Variants in ERN2 observed in about 807,000 individuals in gnomAD.
ERN2 encodes the protein endoplasmic reticulum to nucleus signaling 2, also known as serine/threonine-protein kinase/endoribonuclease IRE2.
A neutral mutation model predicts 107.9 loss-of-function variants in ERN2; 111 were observed. The ratio of observed to expected loss-of-function variants is 1.03; its 90% CI spans 0.88 to 1.20. The LOEUF (loss-of-function observed/expected upper bound fraction) is 1.20. ERN2 is among the 50% of genes most tolerant of loss of function. The pLI is 0.00. For synonymous variants in ERN2, 524 were observed against 501.7 expected, an observed-to-expected ratio of 1.04 and a Z score of -0.59; for missense variants, 1,225 against 1,197.9, an observed-to-expected ratio of 1.02 and a Z score of -0.33.
chr16:23,694,294 G>A (rs1959713432), intron 17 of ERN2, among the ~76,000 whole-genome samples: 1 of 152,180 alleles, frequency 6.6e-6, no homozygotes, highest in Non-Finnish European at 1.5e-5. Flanking sequence ...ACCGCACCCG[G>A]CAATGGGCAT....
chr16:23,693,622 C>T (rs1429680432), intron 17 of ERN2, among the ~76,000 whole-genome samples: 1 of 150,750 alleles, frequency 6.6e-6, no homozygotes, highest in Non-Finnish European at 1.5e-5. Flanking sequence ...ATATAGGCCA[C>T]TAATTTAAAT....
chr16:23,690,862 C>T lies in ERN2; in HGVS notation c.2750G>A (p.Arg917Lys), dbSNP rs1959556593. The change falls in exon 22 of 22, where the codon AGG becomes AAG. Residue 917 changes from arginine to lysine, a missense_variant. Transcript: ENST00000256797. Reference sequence around the variant, plus strand: ...CCCTGTGGCCCCAGGGCATGGCCTCCTGGCCTCTGAGTCTGGCGGGTAGTA... The same window carrying T: ...CCCTGTGGCCCCAGGGCATGGCCTCTTGGCCTCTGAGTCTGGCGGGTAGTA... ...LPYYPPDSEA[R>K]RPCPGATGR 1.2e-6 allele frequency: 2 copies of T among 1,613,308 alleles called. No individual in the cohort carries two copies. Among genetic ancestry groups the T allele is most frequent in the Non-Finnish European group, 1.7e-6 (2 of 1,180,026 alleles).
chr16:23,710,032 C>A, intron 4 of ERN2, 140 bp downstream of exon 4: 1 of 638,410 alleles, frequency 1.6e-6, no homozygotes, highest in Non-Finnish European at 2.8e-6. Flanking sequence ...CCTCAGACAG[C>A]CTTCTCACAA....
chr16:23,703,459 C>T (rs1960174578), intron 8 of ERN2, among the ~76,000 whole-genome samples: 4 of 152,158 alleles, frequency 2.6e-5, no homozygotes, highest in Admixed American at 1.3e-4. Flanking sequence ...ACCTATTTTC[C>T]TCTCTCTAGT....
rs1013617012 is a variant in ERN2 at position 23,710,190 on chromosome 16, T to C, written c.288A>G (p.Gln96=). 5.0e-6 allele frequency: 8 copies of C among 1,613,598 alleles called. No individual in the cohort carries two copies. The highest frequency in any genetic ancestry group is 6.8e-6 in the Non-Finnish European group (8 of 1,179,624). ...TACAAACCATTAATCCCTGTTGTTT[T>C]TGGGTCCCCAAGATGTACAGGCTGC... ...ADGSLYILGT[Q]KQQGLMKLPF... is the part of the protein sequence containing the mutation. Residue 96 remains glutamine (Q), a synonymous_variant, in exon 4 of 22, where the codon CAA becomes CAG. Transcript: ENST00000256797.
intron 17 of ERN2, among the ~76,000 whole-genome samples, chr16:23,694,000 G>GT (rs1959702626): frequency 6.6e-6 from 1 of 152,058 alleles, no homozygotes; most frequent in African/African-American, 2.4e-5. Context: ...TTGTTTGTTT[G>GT]TTTTTTGTTT....
At chr16:23,700,922 T>TC (rs1391123372) in intron 12 of ERN2, 37 bp downstream of exon 12, 1 of 1,596,096 alleles carries the variant, frequency 6.3e-7, no homozygotes, top group African/African-American at 1.3e-5. Flanking sequence ...AGCAGCGTTC[T>TC]CCCCAGATAG....
chr16:23,698,874 C>A (rs962384959), intron 13 of ERN2, among the ~76,000 whole-genome samples: 1 of 152,204 alleles, frequency 6.6e-6, no homozygotes, highest in South Asian at 2.1e-4. Flanking sequence ...AGGCATGAGC[C>A]ACCGTGCCCA....
At chr16:23,706,688 C>T (rs1416843481) in intron 6 of ERN2, 66 bp downstream of exon 6, 3 of 1,137,134 alleles carry the variant, frequency 2.6e-6, no homozygotes, top group African/African-American at 1.6e-5. Context: ...TTAGCCACAG[C>T]TAGATCTCAG....
At position 23,710,568 on chromosome 16, in the gene ERN2, A is replaced by G. The variant is rs760943802; in HGVS notation, c.200-19T>C. 138 of 1,613,980 alleles carry G rather than the reference A, an allele frequency of 8.6e-5. No homozygotes were observed. The highest frequency in any genetic ancestry group is 1.2e-4 in the Non-Finnish European group (137 of 1,179,932). ...ACGGGATCTGCAGGGACAGGGACAC[A>G]GAACATAAGCAGTTTCCTCCAGACC... On this transcript the variant is annotated intron_variant, in intron 2 of 21. Transcript: ENST00000256797.
At chr16:23,711,963 G>A (rs547707863) in intron 1 of ERN2, 106 of 403,380 alleles carry the variant, frequency 2.6e-4, no homozygotes, top group African/African-American at 1.8e-3. Flanking sequence ...GGAGCCACCC[G>A]TACTTACATC....
intron 15 of ERN2, 32 bp from the exon 16 acceptor site, chr16:23,695,150 T>C (rs1567244736): frequency 4.3e-6 from 7 of 1,613,636 alleles, no homozygotes; most frequent in Non-Finnish European, 5.1e-6. Flanking sequence ...AGCATCACTC[T>C]CCAGCCCGGA....
chr16:23,702,079 A>C lies in ERN2; in HGVS notation c.1203+73T>G, dbSNP rs1960093783. 5 of 1,491,104 alleles carry C rather than the reference A, an allele frequency of 3.4e-6. 1 individual carries two copies. Among genetic ancestry groups the C allele is most frequent in the Admixed American group, 2.1e-5 (1 of 47,188 alleles). 92.4% of individuals were successfully genotyped at this position (1,491,104 alleles called of 1,614,324 possible). On this transcript the variant is annotated intron_variant, in intron 11 of 21. Transcript: ENST00000256797. The stretch of plus-strand genomic sequence containing the variant: ...GAGTGTTATTCTTAGCAGCCCGAGG[A>C]AAAGATCCAAGGGCTATTCCCCCCA...
rs1234702798 is a variant in ERN2 at position 23,691,384 on chromosome 16, G to A, written c.2418C>T (p.Pro806=). Residue 806 remains proline (P), a synonymous_variant, in exon 20 of 22, where the codon CCC becomes CCT. Coordinates refer to ENST00000256797, the MANE Select transcript of ERN2 (RefSeq NM_033266.4). ...CTCCCGCCTCCAGTGCCCTCACCAG[G>A]GGCTCCTGCTCGGACTCCTTCTCCA... The part of the protein sequence containing the change: ...DWLEKESEQE[P]LVRALEAGGC... 6.2e-7 allele frequency: 1 copy of A among 1,601,658 alleles called. No homozygotes were observed. The highest frequency in any genetic ancestry group is 2.2e-5 in the East Asian group (1 of 44,872).
intron 4 of ERN2, 196 bp from the exon 5 acceptor site, chr16:23,707,275 C>G (rs1260091443): frequency 1.2e-5 from 7 of 589,180 alleles, no homozygotes; most frequent in African/African-American, 1.1e-4. Flanking sequence ...AGAGCCTGGC[C>G]TTGAACCCAG....
intron 7 of ERN2, 69 bp from the exon 8 acceptor site, chr16:23,705,216 T>C (rs1337993168): frequency 6.5e-7 from 1 of 1,549,356 alleles, no homozygotes; most frequent in African/African-American, 1.4e-5. Flanking sequence ...GTGTGCCCTC[T>C]GGGTGAGGGG....
intron 1 of ERN2, among the ~76,000 whole-genome samples, chr16:23,711,816 T>C (rs1010868288): frequency 2.0e-5 from 3 of 152,234 alleles, no homozygotes; most frequent in African/African-American, 7.2e-5. Flanking sequence ...ATGCCTGGCC[T>C]CTTTTTCCTC....
chr16:23,691,572 AT>A, intron 19 of ERN2, 147 bp from the exon 20 acceptor site: 1 of 959,404 alleles, frequency 1.0e-6, no homozygotes, highest in Non-Finnish European at 1.5e-6. Context: ...CGCCTCTGTT[AT>A]TTACCACCAA....
At position 23,704,972 on chromosome 16, in the gene ERN2, GA is replaced by G. The variant is rs995370601; in HGVS notation, c.764del (p.Phe255SerfsTer31). On this transcript the variant is annotated frameshift_variant, in exon 8 of 22. Transcript: ENST00000256797. LOFTEE classifies it high-confidence loss of function. The stretch of plus-strand genomic sequence containing the variant: ...GGATGTGGCCCCAGCGGAGGGCGAG[GA>G]AATGCAGAGTGTCTCGAGCCAGCGT... ...HLTLARDTLH[F>X]LALRWGHIRL... is the part of the protein sequence containing the mutation. The G allele has an allele frequency of 2.5e-6, 4 of 1,613,974 alleles. No individual in the cohort carries two copies. Among genetic ancestry groups the G allele is most frequent in the Non-Finnish European group, 3.4e-6 (4 of 1,180,022 alleles).
Sources: gnomAD v4.1 joint callset for allele counts (sites outside exome capture counted in the v4.1 genomes callset) on GRCh38, gnomAD v4.1.1 for gene constraint, MANE v1.5 for transcripts, NCBI Gene and HGNC (gene_info 2026-07-23, HGNC 2026-07-21) for gene names.